The following CCDC181 variants were observed in gnomAD, a reference collection of about 807,000 sequenced individuals.
The protein encoded by CCDC181 is coiled-coil domain-containing protein 181.
A neutral mutation model predicts 58.7 loss-of-function variants in CCDC181; 35 were observed. The ratio of observed to expected loss-of-function variants is 0.60; its 90% CI spans 0.46 to 0.79. CCDC181 has a LOEUF of 0.79. CCDC181 is among the 30% of genes least tolerant of loss of function. The pLI, the probability that CCDC181 is intolerant of heterozygous loss-of-function variation, is 0.00. For missense variants in CCDC181, 517 were observed against 583.9 expected (o/e 0.89, Z 1.18); for synonymous variants, 183 against 197.5 (o/e 0.93, Z 0.62).
chr1:169,418,055 TGTTG>T (rs1266603447), intron 4 of CCDC181, among the ~76,000 whole-genome samples: 1 of 152,220 alleles, frequency 6.6e-6, no homozygotes, highest in African/African-American at 2.4e-5. Flanking sequence ...TCTCACACAC[TGTTG>T]GAGGAACTAT....
At chr1:169,434,870 A>G (rs946239026) in intron 2 of CCDC181, among the ~76,000 whole-genome samples, 1 of 152,088 alleles carries the variant, frequency 6.6e-6, no homozygotes, top group East Asian at 1.9e-4. Context: ...CATTCCACTT[A>G]TATAAAGTGC....
intron 2 of CCDC181, among the ~76,000 whole-genome samples, chr1:169,448,038 AAACTTAAAACT>A (rs1657429389): frequency 1.3e-5 from 2 of 152,150 alleles, no homozygotes; most frequent in Admixed American, 1.3e-4. Context: ...TATTTTTAAC[AAACTTAAAACT>A]AACTGAAAAC....
chr1:169,449,922 A>G (rs1030411797), intron 2 of CCDC181, among the ~76,000 whole-genome samples: 1 of 152,170 alleles, frequency 6.6e-6, no homozygotes, highest in Non-Finnish European at 1.5e-5. Flanking sequence ...AATCAAGTTG[A>G]CACTCAATAT....
At chr1:169,407,919 G>A (rs960774285) in intron 4 of CCDC181, among the ~76,000 whole-genome samples, 1 of 152,168 alleles carries the variant, frequency 6.6e-6, no homozygotes, top group African/African-American at 2.4e-5. Flanking sequence ...CCCTTTCCCA[G>A]GGTCTTCACA....
upstream of CCDC181, among the ~76,000 whole-genome samples, chr1:169,429,401 T>G (rs1268410344): frequency 6.6e-6 from 1 of 152,214 alleles, no homozygotes; most frequent in East Asian, 1.9e-4. Context: ...GTGATTGTAC[T>G]AGTTTACATT....
chr1:169,401,975 C>A (rs1401676776), intron 4 of CCDC181, among the ~76,000 whole-genome samples: 1 of 152,078 alleles, frequency 6.6e-6, no homozygotes, highest in Admixed American at 6.5e-5. Context: ...CCCGATGGAG[C>A]TGAAAACCAT....
At chr1:169,446,888 A>G (rs1277194711) in intron 2 of CCDC181, among the ~76,000 whole-genome samples, 1 of 152,044 alleles carries the variant, frequency 6.6e-6, no homozygotes, top group Non-Finnish European at 1.5e-5. Flanking sequence ...TTCCCTCTAA[A>G]CATTGCTTTT....
In CCDC181 at chr1:169,394,997, T is replaced by G; in HGVS notation, c.*50A>C. ...AAAGTACACAGACCCTAAGAAATCA[T>G]ATCCAAAATTTTGATAGCAGCTGCC... is the stretch of plus-strand genomic sequence containing the variant. On this transcript the variant is annotated 3_prime_UTR_variant, in exon 6 of 6. Coordinates refer to ENST00000367806, the MANE Select transcript of CCDC181 (RefSeq NM_001300969.2). 1 of 1,488,294 alleles carries G rather than the reference T, an allele frequency of 6.7e-7. No homozygotes were observed. The highest frequency in any genetic ancestry group is 1.4e-5 in the African/African-American group (1 of 70,910). 92.2% of individuals were successfully genotyped at this position (1,488,294 alleles called of 1,614,324 possible).
Position 169,422,283 on chromosome 1 carries a change from G to C in CCDC181, c.148C>G (p.Gln50Glu). 3.2e-6 allele frequency: 5 copies of C among 1,572,742 alleles called. No individual in the cohort carries two copies. Among genetic ancestry groups the C allele is most frequent in the South Asian group, 1.2e-5 (1 of 85,764 alleles). Reference protein sequence around the residue: ...MACEKEENINQDLKENETVME... With the variant: ...MACEKEENINEDLKENETVME... ...ACTGTCTCATTCTCTTTTAAGTCTT[G>C]GTTAATATTCTCTTCCTTCTCACAA... Residue 50 changes from glutamine (Q) to glutamate (E), a missense_variant, in exon 3 of 6, where the codon CAA (glutamine) becomes GAA (glutamate). By Grantham distance (29) the Gln-to-Glu change is conservative. Transcript: ENST00000367806.
chr1:169,416,351 C>A (rs1285730997), intron 4 of CCDC181, among the ~76,000 whole-genome samples: 2 of 152,164 alleles, frequency 1.3e-5, no homozygotes. Flanking sequence ...ACCTTGGTTG[C>A]CAGTGAAGGA....
chr1:169,432,448 C>T (rs1361151778), upstream of CCDC181, among the ~76,000 whole-genome samples: 1 of 151,964 alleles, frequency 6.6e-6, no homozygotes, highest in Non-Finnish European at 1.5e-5. Flanking sequence ...TGAAAACTTC[C>T]CAAGTTTAAT....
intron 4 of CCDC181, among the ~76,000 whole-genome samples, chr1:169,413,453 A>G (rs1002029006): frequency 1.3e-5 from 2 of 152,202 alleles, no homozygotes; most frequent in African/African-American, 4.8e-5. Context: ...TGTGGAAGAC[A>G]GTGTGGTGAT....
intron 5 of CCDC181, chr1:169,395,900 CAACTA>C (rs1294226446): frequency 7.2e-6 from 1 of 138,672 alleles, no homozygotes; most frequent in African/African-American, 2.6e-5. Context: ...TCAGAATAAA[CAACTA>C]AATAACTGTA....
chr1:169,424,988 A>G (rs10919168), intron 1 of CCDC181, 38 bp from the exon 2 acceptor site: 644,277 of 881,006 alleles, frequency 0.73, 238,098 homozygotes, highest in East Asian at 0.94. Context: ...TGTTATGCCC[A>G]CTCTAGAGGA....
intron 2 of CCDC181, among the ~76,000 whole-genome samples, chr1:169,437,442 C>T (rs993832704): frequency 2.0e-5 from 3 of 152,152 alleles, no homozygotes; most frequent in African/African-American, 7.2e-5. Context: ...TAAGTTCCTC[C>T]CAAAGTTAGT....
chr1:169,420,121 A>G (rs1164835306), intron 3 of CCDC181, among the ~76,000 whole-genome samples: 1 of 152,250 alleles, frequency 6.6e-6, no homozygotes, highest in Non-Finnish European at 1.5e-5. Flanking sequence ...AAAGGCAGTG[A>G]CAACTATATA....
chr1:169,421,833 C>G lies in CCDC181; in HGVS notation c.598G>C (p.Val200Leu), dbSNP rs769505259. ...CTTCCATTAGTAAGTGACAGGAGCA[C>G]ATCTTCTTGTCCAAAATCATTGGAA... ...CISNDFGQED[V>L]LLSLTNGSCE... is the part of the protein sequence containing the mutation. Residue 200 changes from valine (V) to leucine (L), a missense_variant, in exon 3 of 6, where the codon GTG (valine) becomes CTG (leucine). Val to Leu is a conservative substitution (Grantham distance 32). Transcript: ENST00000367806. The G allele has an allele frequency of 1.6e-5, 26 of 1,613,800 alleles. No individual in the cohort carries two copies. Among genetic ancestry groups the G allele is most frequent in the Non-Finnish European group, 2.0e-5 (24 of 1,179,888 alleles).
intron 4 of CCDC181, among the ~76,000 whole-genome samples, chr1:169,412,528 A>G (rs1656024166): frequency 6.6e-6 from 1 of 152,202 alleles, no homozygotes; most frequent in Non-Finnish European, 1.5e-5. Context: ...AAACTTCTTT[A>G]AAGTTCATAT....
chr1:169,394,931 A>T lies in CCDC181; in HGVS notation c.*116T>A. 1 of 951,508 alleles carries T rather than the reference A, an allele frequency of 1.1e-6. No homozygotes were observed. The allele number at this position is 951,508 out of a possible 1,614,324, so 58.9% of individuals were successfully genotyped here. ...GTATTAAAAAAACAAATTCACTGTC[A>T]ATAAAAGATAAATACCATTTCCATA... On this transcript the variant is annotated 3_prime_UTR_variant, in exon 6 of 6. Coordinates refer to ENST00000367806, the MANE Select transcript of CCDC181 (RefSeq NM_001300969.2).
Sources: allele counts gnomAD v4.1 joint callset (sites outside exome capture counted in the v4.1 genomes callset), GRCh38; gene constraint gnomAD v4.1.1; transcripts MANE v1.5; gene names NCBI Gene and HGNC (gene_info 2026-07-23, HGNC 2026-07-21).